Variants in NTM observed in about 807,000 individuals in gnomAD.
The protein encoded by NTM is IgLON family member 2.
In NTM, 13 loss-of-function variants were observed where a neutral mutation model predicts 42.1. The observed-to-expected ratio is 0.31, with a 90% CI of 0.20 to 0.49. The LOEUF (loss-of-function observed/expected upper bound fraction) is 0.49, where lower values mean the gene tolerates loss of function less well. NTM is among the 20% of genes least tolerant of loss of function. The probability of loss-of-function intolerance (pLI) is 0.99; values close to 1 mark genes in which losing one functional copy is unlikely to be tolerated. For missense variants in NTM, 373 were observed against 452.8 expected (o/e 0.82, Z 1.60); for synonymous variants, 187 against 179.2 (o/e 1.04, Z -0.35).
At chr11:131,471,394 C>T (rs1228560038) in intron 1 of NTM, among the ~76,000 whole-genome samples, 1 of 152,160 alleles carries the variant, frequency 6.6e-6, no homozygotes, top group Non-Finnish European at 1.5e-5. Context: ...TCATCTCTGC[C>T]CACTTGGGAT....
At chr11:131,793,431 C>T (rs982136174) in intron 1 of NTM, among the ~76,000 whole-genome samples, 1 of 152,158 alleles carries the variant, frequency 6.6e-6, no homozygotes, top group Non-Finnish European at 1.5e-5. Context: ...ATACACTGTG[C>T]CCAATACTTT....
In NTM at chr11:131,491,426, TA is replaced by T. The variant is rs568293259; in HGVS notation, c.82+120544del. 1.0e-3 allele frequency among the ~76,000 whole-genome samples: 142 copies of T among 139,618 alleles called. 1 individual carries two copies. Among genetic ancestry groups the T allele is most frequent in the Non-Finnish European group, 1.7e-3 (117 of 67,924 alleles). 91.6% of individuals were successfully genotyped at this position (139,618 alleles called of 152,430 possible). A position where few individuals can be genotyped will look rare whatever the true frequency, so the allele number is the denominator to read the frequency against. Reference sequence around the variant, plus strand: ...ATGTTTGTGGGTATATTTTAGCCTTTAAAAAATTATTACTTGTGATTTCTCA... The same window carrying T: ...ATGTTTGTGGGTATATTTTAGCCTTTAAAAATTATTACTTGTGATTTCTCA... On this transcript the variant is annotated intron_variant, in intron 1 of 8. Coordinates refer to ENST00000683400, the MANE Select transcript of NTM (RefSeq NM_001352005.2).
chr11:131,678,238 G>C (rs1474950636), intron 1 of NTM, among the ~76,000 whole-genome samples: 1 of 152,218 alleles, frequency 6.6e-6, no homozygotes, highest in East Asian at 1.9e-4. Flanking sequence ...AGCCTTCTAA[G>C]GGCACACCCT....
chr11:132,022,095 G>A (rs943043320), intron 2 of NTM, among the ~76,000 whole-genome samples: 2 of 152,182 alleles, frequency 1.3e-5, no homozygotes, highest in African/African-American at 2.4e-5. Flanking sequence ...GTGAGCCTCT[G>A]AACCAGGGCA....
At chr11:131,941,203 A>G (rs2059757002) in intron 2 of NTM, among the ~76,000 whole-genome samples, 1 of 152,224 alleles carries the variant, frequency 6.6e-6, no homozygotes, top group South Asian at 2.1e-4. Context: ...ATTTTTCAAT[A>G]TTGTGTTTGT....
intron 1 of NTM, among the ~76,000 whole-genome samples, chr11:131,811,258 C>T (rs1453895626): frequency 2.0e-5 from 3 of 152,168 alleles, no homozygotes; most frequent in Non-Finnish European, 4.4e-5. Flanking sequence ...ATTCTAAGTC[C>T]TCATCCTTTG....
Position 132,073,528 on chromosome 11 carries a change from G to C in NTM, c.168-72754G>C, listed in dbSNP as rs903011040. On this transcript the variant is annotated intron_variant, in intron 2 of 8. Transcript: ENST00000683400. ...ATGGCTCCACCTTCTTTCCAAAAAA[G>C]ATCACTGAGGAATATAGGGCCAGTT... Among the ~76,000 whole-genome samples, 4 of 152,188 alleles carry C rather than the reference G, an allele frequency of 2.6e-5. No homozygotes were observed. In the South Asian group the frequency reaches 8.3e-4, roughly 31 times the overall value.
chr11:131,394,388 G>T (rs563527644), intron 1 of NTM, among the ~76,000 whole-genome samples: 3 of 152,132 alleles, frequency 2.0e-5, no homozygotes, highest in African/African-American at 7.2e-5. Context: ...GCCTGTCTAG[G>T]CCCCCTCACT....
chr11:131,649,758 A>C (rs1409219947), intron 1 of NTM, among the ~76,000 whole-genome samples: 3 of 152,214 alleles, frequency 2.0e-5, no homozygotes, highest in Admixed American at 2.0e-4. Context: ...AGTGGATGAT[A>C]GTCCATGAAT....
chr11:132,039,170 C>T (rs1254718560), intron 2 of NTM, among the ~76,000 whole-genome samples: 3 of 152,166 alleles, frequency 2.0e-5, no homozygotes, highest in Non-Finnish European at 4.4e-5. Context: ...TCTCCAGCAG[C>T]ACTGCCTCCC....
intron 1 of NTM, among the ~76,000 whole-genome samples, chr11:131,552,987 A>G (rs1365926008): frequency 6.6e-6 from 1 of 152,242 alleles, no homozygotes; most frequent in Non-Finnish European, 1.5e-5. Flanking sequence ...ACCAAGCTAC[A>G]GTGGCCAGAA....
At chr11:132,190,253 AC>A (rs1280624371) in intron 3 of NTM, among the ~76,000 whole-genome samples, 1 of 152,170 alleles carries the variant, frequency 6.6e-6, no homozygotes, top group Non-Finnish European at 1.5e-5. Context: ...CATACTAATA[AC>A]CAAAGCATGG....
intron 4 of NTM, 75 bp downstream of exon 4, chr11:132,212,222 G>A: frequency 8.1e-7 from 1 of 1,231,530 alleles, no homozygotes; most frequent in Non-Finnish European, 1.2e-6. Flanking sequence ...GAGGTTATGG[G>A]TGCTGATACC....
rs547653313 is a variant in NTM, at chr11:131,823,205, C to T, written c.83-88359C>T. ...TATCCCAGAGACCATGGAAATCCTT[C>T]ATTCACTCTTAGAGGGTTATTTTCT... On this transcript the variant is annotated intron_variant, in intron 1 of 8. Transcript: ENST00000683400. Among the ~76,000 whole-genome samples, 9 of 152,296 alleles carry T rather than the reference C, an allele frequency of 5.9e-5. No individual in the cohort carries two copies. In the South Asian group the frequency reaches 1.7e-3, roughly 28 times the overall value.
intron 2 of NTM, among the ~76,000 whole-genome samples, chr11:132,024,799 G>T (rs1271605729): frequency 6.6e-6 from 1 of 152,086 alleles, no homozygotes; most frequent in Non-Finnish European, 1.5e-5. Flanking sequence ...TTGCATATTA[G>T]CCTTAGTCCT....
At chr11:132,188,180 T>G (rs2078730916) in intron 3 of NTM, among the ~76,000 whole-genome samples, 1 of 152,076 alleles carries the variant, frequency 6.6e-6, no homozygotes, top group East Asian at 1.9e-4. Flanking sequence ...AGACCAGAGA[T>G]TCTGCAAAAC....
chr11:132,191,774 A>G (rs1254382970), intron 3 of NTM, among the ~76,000 whole-genome samples: 1 of 152,218 alleles, frequency 6.6e-6, no homozygotes, highest in Non-Finnish European at 1.5e-5. Context: ...CAAGGAAAAG[A>G]GTAAAATGAT....
intron 1 of NTM, among the ~76,000 whole-genome samples, chr11:131,587,617 C>G (rs1034458574): frequency 1.3e-5 from 2 of 152,020 alleles, no homozygotes; most frequent in Non-Finnish European, 2.9e-5. Flanking sequence ...GAAATTGATA[C>G]TATATTATAT....
At chr11:131,768,778 T>C (rs1409742587) in intron 1 of NTM, among the ~76,000 whole-genome samples, 1 of 152,200 alleles carries the variant, frequency 6.6e-6, no homozygotes, top group East Asian at 1.9e-4. Context: ...TTATTATTAT[T>C]CGTTGCTATA....
Sources: allele counts gnomAD v4.1 joint callset (sites outside exome capture counted in the v4.1 genomes callset), GRCh38; gene constraint gnomAD v4.1.1; transcripts MANE v1.5; gene names NCBI Gene and HGNC (gene_info 2026-07-23, HGNC 2026-07-21).